EXOC6B: variants seen among roughly 807,000 people sequenced by gnomAD.
EXOC6B encodes the protein SEC15 homolog B.
A neutral mutation model predicts 113.5 loss-of-function variants in EXOC6B; 54 were observed. That is an observed-to-expected ratio of 0.48 (90% confidence interval 0.38 to 0.60). EXOC6B has a LOEUF of 0.60. EXOC6B is among the 20% of genes least tolerant of loss of function. The probability of loss-of-function intolerance (pLI) is 0.00; values close to 1 mark genes in which losing one functional copy is unlikely to be tolerated. For missense variants in EXOC6B, 797 were observed against 977.5 expected (o/e 0.82, Z 2.46); for synonymous variants, 357 against 339.0 (o/e 1.05, Z -0.58).
chr2:72,187,150 T>C (rs1275143397), intron 20 of EXOC6B, among the ~76,000 whole-genome samples: 4 of 152,116 alleles, frequency 2.6e-5, no homozygotes, highest in Non-Finnish European at 5.9e-5. Context: ...GTGCACTGCA[T>C]GCAGCTTTCC....
At chr2:72,434,609 C>A (rs1695743862) in intron 18 of EXOC6B, among the ~76,000 whole-genome samples, 1 of 152,168 alleles carries the variant, frequency 6.6e-6, no homozygotes, top group Non-Finnish European at 1.5e-5. Flanking sequence ...TTAAGAGATT[C>A]AACTTCTTCC....
At chr2:72,580,504 A>G (rs768091611) in intron 6 of EXOC6B, among the ~76,000 whole-genome samples, 1 of 152,036 alleles carries the variant, frequency 6.6e-6, no homozygotes, top group Non-Finnish European at 1.5e-5. Context: ...TTCTATACAT[A>G]ATAATTAATG....
intron 18 of EXOC6B, among the ~76,000 whole-genome samples, chr2:72,395,618 A>T (rs1326049207): frequency 6.6e-6 from 1 of 152,140 alleles, no homozygotes; most frequent in East Asian, 1.9e-4. Context: ...CATCCATATT[A>T]TGGGAAATGG....
chr2:72,445,386 C>G (rs552822210), intron 18 of EXOC6B, among the ~76,000 whole-genome samples: 1 of 152,280 alleles, frequency 6.6e-6, no homozygotes, highest in African/African-American at 2.4e-5. Flanking sequence ...CCAACCTCTG[C>G]CCATTAACCA....
chr2:72,421,513 T>C (rs1027005719), intron 18 of EXOC6B, among the ~76,000 whole-genome samples: 1 of 152,266 alleles, frequency 6.6e-6, no homozygotes, highest in Non-Finnish European at 1.5e-5. Context: ...ATTGTACTAA[T>C]GACTAATTGA....
chr2:72,349,180 T>A (rs1689506800), intron 19 of EXOC6B, among the ~76,000 whole-genome samples: 1 of 152,196 alleles, frequency 6.6e-6, no homozygotes, highest in African/African-American at 2.4e-5. Context: ...TGTTTAAAGC[T>A]ATGGGACTGA....
chr2:72,509,261 C>T (rs1022113641), intron 11 of EXOC6B, among the ~76,000 whole-genome samples: 2 of 152,168 alleles, frequency 1.3e-5, no homozygotes, highest in Non-Finnish European at 2.9e-5. Context: ...ACACCTTAAT[C>T]TCTGACTTCC....
At chr2:72,482,811 C>T (rs576375522) in intron 16 of EXOC6B, among the ~76,000 whole-genome samples, 1 of 152,290 alleles carries the variant, frequency 6.6e-6, no homozygotes, top group East Asian at 1.9e-4. Context: ...AGTGTACCTT[C>T]TACTCCACTA....
intron 6 of EXOC6B, among the ~76,000 whole-genome samples, chr2:72,623,260 T>C (rs2104204752): frequency 6.6e-6 from 1 of 152,320 alleles, no homozygotes; most frequent in African/African-American, 2.4e-5. Flanking sequence ...TCATCTATCA[T>C]ATATGCACCC....
At chr2:72,521,146 G>A (rs1056116010) in intron 8 of EXOC6B, among the ~76,000 whole-genome samples, 2 of 152,146 alleles carry the variant, frequency 1.3e-5, no homozygotes, top group African/African-American at 4.8e-5. Context: ...AACAGTTTGA[G>A]GGAGTGGGTT....
intron 6 of EXOC6B, among the ~76,000 whole-genome samples, chr2:72,634,033 G>C (rs114428052): frequency 6.7e-6 from 1 of 150,146 alleles, no homozygotes; most frequent in Admixed American, 6.6e-5. Flanking sequence ...ATCCAGATGG[G>C]AAAAAAAAAG....
chr2:72,657,179 A>G (rs1311698475), intron 6 of EXOC6B, among the ~76,000 whole-genome samples: 2 of 149,516 alleles, frequency 1.3e-5, no homozygotes, highest in Non-Finnish European at 3.0e-5. Context: ...AGACTAGATC[A>G]TCAATATCTA....
chr2:72,660,371 T>C (rs957379396), intron 6 of EXOC6B, among the ~76,000 whole-genome samples: 19 of 152,162 alleles, frequency 1.2e-4, no homozygotes, highest in Non-Finnish European at 2.2e-4. Context: ...AAGAACAGTA[T>C]AGAAATAAAA....
At chr2:72,230,432 G>A (rs1004338114) in intron 20 of EXOC6B, among the ~76,000 whole-genome samples, 2 of 152,096 alleles carry the variant, frequency 1.3e-5, no homozygotes, top group Non-Finnish European at 2.9e-5. Context: ...CTATCTTTTT[G>A]CAATGCAATT....
In EXOC6B at chr2:72,480,655, T is replaced by C; in HGVS notation, c.1761A>G (p.Thr587=). 3 of 1,588,974 alleles carry C rather than the reference T, an allele frequency of 1.9e-6. No homozygotes were observed. Among genetic ancestry groups the C allele is most frequent in the Non-Finnish European group, 8.6e-7 (1 of 1,166,126 alleles). The part of the protein sequence containing the change: ...ITNITNVLPE[T]VHTTKLYGTT... ...TGCCATAGAGCTTGGTAGTGTGAACTGTCTCTGGAAGCACATTAGTGATGT... is the reference window on the plus strand; with the variant it reads ...TGCCATAGAGCTTGGTAGTGTGAACCGTCTCTGGAAGCACATTAGTGATGT... The change falls in exon 17 of 22, where the codon ACA becomes ACG. Residue 587 remains threonine (T), a synonymous_variant. Coordinates refer to ENST00000272427, the MANE Select transcript of EXOC6B (RefSeq NM_015189.3).
At chr2:72,582,533 T>C (rs1410995228) in intron 6 of EXOC6B, among the ~76,000 whole-genome samples, 1 of 96,402 alleles carries the variant, frequency 1.0e-5, no homozygotes, top group African/African-American at 2.5e-5. Flanking sequence ...AGAAAAGAAG[T>C]ACAGAATTTT....
intron 18 of EXOC6B, among the ~76,000 whole-genome samples, chr2:72,440,097 G>A (rs975078741): frequency 7.9e-5 from 12 of 152,060 alleles, no homozygotes; most frequent in Admixed American, 5.9e-4. Flanking sequence ...CAGCCCAAAC[G>A]CACCTGTAGG....
At chr2:72,720,447 TA>T (rs1268303430) in intron 5 of EXOC6B, among the ~76,000 whole-genome samples, 1 of 151,518 alleles carries the variant, frequency 6.6e-6, no homozygotes, top group East Asian at 1.9e-4. Flanking sequence ...AGATATGCCA[TA>T]AAAAAAAGAA....
intron 18 of EXOC6B, among the ~76,000 whole-genome samples, chr2:72,398,264 G>A (rs1216404903): frequency 2.0e-5 from 3 of 152,158 alleles, no homozygotes; most frequent in Admixed American, 6.6e-5. Context: ...CCCAACTAAA[G>A]CATCAGCTCT....
Sources: allele counts gnomAD v4.1 joint callset (sites outside exome capture counted in the v4.1 genomes callset), GRCh38; gene constraint gnomAD v4.1.1; transcripts MANE v1.5; gene names NCBI Gene and HGNC (gene_info 2026-07-23, HGNC 2026-07-21).